SPG7: variants seen among roughly 807,000 people sequenced by gnomAD.
The protein encoded by SPG7 is mitochondrial inner membrane m-AAA protease component paraplegin.
A neutral mutation model predicts 81.9 loss-of-function variants in SPG7; 103 were observed. The observed-to-expected ratio is 1.26, with a 90% CI of 1.07 to 1.48. The LOEUF (loss-of-function observed/expected upper bound fraction) is 1.48, where lower values mean the gene tolerates loss of function less well. Ranked by LOEUF, SPG7 falls within the 40% of genes most tolerant of loss-of-function variation. SPG7 has a pLI of 0.00. For synonymous variants in SPG7, 534 were observed against 444.2 expected (o/e 1.20, Z -2.54); for missense variants, 1,241 against 1,087.3 (o/e 1.14, Z -1.99).
chr16:89,555,917 T>G, intron 16 of SPG7: 1 of 398,858 alleles, frequency 2.5e-6, no homozygotes, highest in Non-Finnish European at 4.4e-6. Context: ...TTTGGGGCCC[T>G]TAGACTGTCG....
chr16:89,551,512 G>A (rs1338893647), intron 13 of SPG7: 2 of 152,456 alleles, frequency 1.3e-5, no homozygotes, highest in African/African-American at 4.8e-5. Flanking sequence ...ACAGTCATGG[G>A]ACCAGAGCTA....
intron 13 of SPG7, 191 bp from the exon 14 acceptor site, chr16:89,552,788 G>C: frequency 1.6e-6 from 1 of 636,934 alleles, no homozygotes; most frequent in Non-Finnish European, 2.9e-6. Context: ...ACAGGCACCT[G>C]TGGTGGGAAC....
At position 89,556,924 on chromosome 16, in the gene SPG7, A is replaced by C. The variant is rs770661102; in HGVS notation, c.2219A>C (p.Tyr740Ser). 2 of 1,613,958 alleles carry C rather than the reference A, an allele frequency of 1.2e-6. No individual in the cohort carries two copies. The highest frequency in any genetic ancestry group is 2.2e-5 in the East Asian group (1 of 44,880). Residue 740 changes from tyrosine to serine, a missense_variant, in exon 17 of 17, where the codon TAT becomes TCT. Physicochemically the swap from Tyr to Ser is moderately radical, Grantham distance 144. Transcript: ENST00000645818. Reference protein sequence around the residue: ...NALLEKEVINYEDIEALIGPP... With the variant: ...NALLEKEVINSEDIEALIGPP... ...CTTCTGGAAAAGGAAGTGATAAACT[A>C]TGAGGACATTGAGGCTCTCATTGGC... is the stretch of plus-strand genomic sequence containing the variant.
chr16:89,519,378 C>G (rs2058152725), intron 3 of SPG7: 1 of 151,570 alleles, frequency 6.6e-6, no homozygotes, highest in African/African-American at 2.4e-5. Flanking sequence ...CAGTTGCTAA[C>G]ATTTTTTTTT....
intron 12 of SPG7, chr16:89,548,318 A>G: frequency 1.8e-6 from 1 of 544,662 alleles, no homozygotes; most frequent in South Asian, 2.4e-5. Context: ...CTAAGAGTAG[A>G]CGCTCGTCCA....
At position 89,557,160 on chromosome 16, in the gene SPG7, G is replaced by T. The variant is rs1340026141; in HGVS notation, c.*67G>T. The T allele has an allele frequency of 1.6e-6, 2 of 1,253,484 alleles. No individual in the cohort carries two copies. Among genetic ancestry groups the T allele is most frequent in the Non-Finnish European group, 2.3e-6 (2 of 867,540 alleles). 77.6% of individuals were successfully genotyped at this position (1,253,484 alleles called of 1,614,324 possible). On this transcript the variant is annotated 3_prime_UTR_variant, in exon 17 of 17. Coordinates refer to ENST00000645818, the MANE Select transcript of SPG7 (RefSeq NM_003119.4). ...AGGGCTCACTCAGCCACCCTGAGTT[G>T]CTTTTCAGCTGAGGTTTGCACTTCC...
At chr16:89,532,251 C>G (rs746449597) in intron 8 of SPG7, among the ~76,000 whole-genome samples, 185 bp downstream of exon 8, 3 of 152,228 alleles carry the variant, frequency 2.0e-5, no homozygotes, top group Non-Finnish European at 4.4e-5. Flanking sequence ...TCAAAGCCAC[C>G]GTCACTTGTG....
intron 3 of SPG7, chr16:89,523,801 C>T (rs2058224404): frequency 8.3e-6 from 6 of 725,474 alleles, no homozygotes; most frequent in African/African-American, 1.7e-5. Context: ...GTGACCTCAG[C>T]GAATGAAGTG....
intron 3 of SPG7, among the ~76,000 whole-genome samples, chr16:89,515,271 T>G (rs2058081234): frequency 6.7e-6 from 1 of 148,520 alleles, no homozygotes; most frequent in East Asian, 2.0e-4. Context: ...TATTTTGTAT[T>G]TATTTATTTA....
intron 3 of SPG7, chr16:89,517,810 G>C (rs1441493772): frequency 6.6e-6 from 1 of 152,050 alleles, no homozygotes; most frequent in African/African-American, 2.4e-5. Flanking sequence ...TAGTAGAGAC[G>C]GAGTTTCACC....
chr16:89,514,970 TCTGTCGC>T (rs2058076023), intron 3 of SPG7, among the ~76,000 whole-genome samples: 1 of 146,446 alleles, frequency 6.8e-6, no homozygotes, highest in South Asian at 2.2e-4. Flanking sequence ...GGAGTCTCGC[TCTGTCGC>T]CTGGGCTGGA....
chr16:89,543,180 C>G (rs937422043), intron 9 of SPG7: 1 of 151,920 alleles, frequency 6.6e-6, no homozygotes, highest in Admixed American at 6.6e-5. Context: ...ATCTGCTGAC[C>G]TTGTGATCCG....
intron 3 of SPG7, chr16:89,518,453 A>T (rs1017351455): frequency 6.6e-6 from 1 of 152,188 alleles, no homozygotes; most frequent in African/African-American, 2.4e-5. Context: ...CCGCTCACTG[A>T]TAACGCGGGT....
chr16:89,553,554 C>T (rs1184332080), intron 14 of SPG7: 3 of 570,566 alleles, frequency 5.3e-6, no homozygotes, highest in Non-Finnish European at 3.1e-6. Context: ...ATGCAGTGAG[C>T]TCCAGTATGC....
intron 9 of SPG7, chr16:89,540,824 CTT>C (rs1247270329): frequency 4.5e-6 from 4 of 891,040 alleles, no homozygotes; most frequent in African/African-American, 1.8e-5. Context: ...AAAGCAAAGA[CTT>C]AGGCTCACAC....
chr16:89,536,472 T>C (rs952099236), intron 9 of SPG7, among the ~76,000 whole-genome samples: 44 of 53,482 alleles, frequency 8.2e-4, no homozygotes, highest in Admixed American at 2.1e-3. Flanking sequence ...GTGAGGCGGG[T>C]GAGGCGGGTG....
chr16:89,529,433 G>T, intron 5 of SPG7, 44 bp from the exon 6 acceptor site: 1 of 1,340,856 alleles, frequency 7.5e-7, no homozygotes. Flanking sequence ...CGTCTGTCAC[G>T]TGACACCGTC....
At chr16:89,542,586 A>G (rs796423631) in intron 9 of SPG7, among the ~76,000 whole-genome samples, 3 of 152,290 alleles carry the variant, frequency 2.0e-5, no homozygotes, top group African/African-American at 7.2e-5. Context: ...TTTCTTTGAA[A>G]TTCGGGAGCG....
At chr16:89,530,215 G>A in intron 6 of SPG7, 1 of 315,716 alleles carries the variant, frequency 3.2e-6, no homozygotes, top group Non-Finnish European at 6.1e-6. Flanking sequence ...TGCGATCTCA[G>A]CTCACTGCAA....
Sources: allele counts gnomAD v4.1 joint callset (sites outside exome capture counted in the v4.1 genomes callset), GRCh38; gene constraint gnomAD v4.1.1; transcripts MANE v1.5; gene names NCBI Gene and HGNC (gene_info 2026-07-23, HGNC 2026-07-21).